Variants in PCDHA6 observed in about 807,000 individuals in gnomAD.
PCDHA6 encodes the protein protocadherin alpha 6.
A neutral mutation model predicts 60.3 loss-of-function variants in PCDHA6; 55 were observed. The observed-to-expected ratio is 0.91, with a 90% CI of 0.73 to 1.14. PCDHA6 has a LOEUF of 1.14. Among genes scored for constraint, PCDHA6 ranks in the 50% most tolerant of loss-of-function variants. The pLI is 0.00. For synonymous variants in PCDHA6, 652 were observed against 557.9 expected (o/e 1.17, Z -2.38); for missense variants, 1,327 against 1,256.5 (o/e 1.06, Z -0.85).
chr5:140,910,200 A>C (rs1471024317), intron 1 of PCDHA6, among the ~76,000 whole-genome samples: 1 of 152,200 alleles, frequency 6.6e-6, no homozygotes, highest in East Asian at 1.9e-4. Flanking sequence ...TCTTTTGTCC[A>C]CTTGACCTGG....
intron 2 of PCDHA6, among the ~76,000 whole-genome samples, chr5:140,981,379 G>A (rs1387904235): frequency 1.3e-5 from 2 of 152,152 alleles, no homozygotes; most frequent in Admixed American, 1.3e-4. Flanking sequence ...TTCAAGACCA[G>A]CCTGGTCAAT....
chr5:140,856,258 C>G, intron 1 of PCDHA6: 1 of 1,598,068 alleles, frequency 6.3e-7, no homozygotes, highest in South Asian at 1.1e-5. Context: ...CCAAAAGACA[C>G]GGGGACCTTC....
At chr5:140,996,842 T>C (rs2097749816) in intron 3 of PCDHA6, among the ~76,000 whole-genome samples, 1 of 152,240 alleles carries the variant, frequency 6.6e-6, no homozygotes, top group African/African-American at 2.4e-5. Context: ...TTAGCGTGCA[T>C]CTTCAGAATT....
chr5:140,856,428 A>T, intron 1 of PCDHA6: 1 of 1,598,400 alleles, frequency 6.3e-7, no homozygotes, highest in South Asian at 1.1e-5. Flanking sequence ...GACATTAACG[A>T]CAACCCGCCC....
intron 1 of PCDHA6, among the ~76,000 whole-genome samples, chr5:140,948,369 TG>T (rs1209104577): frequency 7.9e-5 from 12 of 151,580 alleles, no homozygotes; most frequent in Non-Finnish European, 3.0e-5. Context: ...ACTTAGGAGG[TG>T]TTCCTTCCTC....
At chr5:140,904,214 C>T (rs2070953663) in intron 1 of PCDHA6, among the ~76,000 whole-genome samples, 1 of 151,882 alleles carries the variant, frequency 6.6e-6, no homozygotes, top group South Asian at 2.1e-4. Flanking sequence ...TCCCCAAAGT[C>T]CATTGTATTA....
chr5:140,878,006 C>T (rs251378), intron 1 of PCDHA6: 602,670 of 913,772 alleles, frequency 0.66, 200,442 homozygotes, highest in African/African-American at 0.71. Flanking sequence ...ATTTGTCTAA[C>T]ATTAATGAAG....
At chr5:140,898,133 G>T (rs2153459320) in intron 1 of PCDHA6, among the ~76,000 whole-genome samples, 1 of 152,202 alleles carries the variant, frequency 6.6e-6, no homozygotes, top group African/African-American at 2.4e-5. Flanking sequence ...CTCCCATTTT[G>T]TAGGTTGCCT....
At chr5:140,834,741 G>A (rs1773242914) in intron 1 of PCDHA6, 7 of 1,614,122 alleles carry the variant, frequency 4.3e-6, no homozygotes. Context: ...TTTCCATGTG[G>A]ACGTGGAGGT....
chr5:140,870,785 C>T, intron 1 of PCDHA6: 1 of 1,613,662 alleles, frequency 6.2e-7, no homozygotes, highest in East Asian at 2.2e-5. Context: ...AACGACAACG[C>T]GCCGGCACTG....
At chr5:140,908,234 C>T (rs1262299431) in intron 1 of PCDHA6, among the ~76,000 whole-genome samples, 5 of 152,184 alleles carry the variant, frequency 3.3e-5, no homozygotes, top group Non-Finnish European at 7.3e-5. Context: ...CCTTAGTCTT[C>T]TCTTCCTCAT....
In PCDHA6 at chr5:140,828,229, C is replaced by T. The variant is rs2150152666; in HGVS notation, c.138C>T (p.Gly46=). Residue 46 remains glycine, a synonymous_variant, in exon 1 of 4, where the codon GGC becomes GGT. Coordinates refer to ENST00000529310, the MANE Select transcript of PCDHA6 (RefSeq NM_018909.4). ...AGGCCAAACACGGCACCTTCGTGGGCCGGATCGCGCAGGACCTGGGGCTGG... is the reference window on the plus strand; with the variant it reads ...AGGCCAAACACGGCACCTTCGTGGGTCGGATCGCGCAGGACCTGGGGCTGG... ...PEEAKHGTFV[G]RIAQDLGLEL... is the part of the protein sequence containing the mutation. 2 of 1,613,968 alleles carry T rather than the reference C, an allele frequency of 1.2e-6. No individual in the cohort carries two copies. The highest frequency in any genetic ancestry group is 1.7e-6 in the Non-Finnish European group (2 of 1,180,056).
Position 140,829,171 on chromosome 5 carries a change from T to A in PCDHA6, c.1080T>A (p.Arg360=), listed in dbSNP as rs1455829828. 14 of 1,614,036 alleles carry A rather than the reference T, an allele frequency of 8.7e-6. No individual in the cohort carries two copies. In the African/African-American group the frequency reaches 1.9e-4, roughly 22 times the overall value. ...IALTSLSLPV[R]EDAQFGTVIA... is the part of the protein sequence containing the mutation. ...TGACTTCCTTATCCTTGCCTGTACGTGAAGACGCTCAATTTGGTACTGTCA... is the reference window on the plus strand; with the variant it reads ...TGACTTCCTTATCCTTGCCTGTACGAGAAGACGCTCAATTTGGTACTGTCA... The change falls in exon 1 of 4, where the codon CGT becomes CGA. Residue 360 remains arginine (R), a synonymous_variant. Coordinates refer to ENST00000529310, the MANE Select transcript of PCDHA6 (RefSeq NM_018909.4).
chr5:140,887,670 C>A (rs368430565), intron 1 of PCDHA6, among the ~76,000 whole-genome samples: 2 of 151,988 alleles, frequency 1.3e-5, no homozygotes, highest in Non-Finnish European at 2.9e-5. Flanking sequence ...GTGGATTTAT[C>A]ATTTTCATCA....
chr5:140,867,681 A>T (rs759356211), intron 1 of PCDHA6: 1 of 152,096 alleles, frequency 6.6e-6, no homozygotes, highest in African/African-American at 2.4e-5. Context: ...ATTTTGTTGC[A>T]TCTTCTTTTT....
At chr5:140,966,246 G>A (rs184430396) in intron 1 of PCDHA6, 1 of 319,412 alleles carries the variant, frequency 3.1e-6, no homozygotes, top group East Asian at 5.0e-5. Flanking sequence ...TTAAGCAGGG[G>A]AGAGACGGTG....
At chr5:140,959,203 G>A (rs1554223942) in intron 1 of PCDHA6, among the ~76,000 whole-genome samples, 1 of 152,128 alleles carries the variant, frequency 6.6e-6, no homozygotes. Context: ...ATGGTGAAAT[G>A]CTGTCCTTAC....
At chr5:140,910,387 T>C (rs540534807) in intron 1 of PCDHA6, among the ~76,000 whole-genome samples, 1 of 152,158 alleles carries the variant, frequency 6.6e-6, no homozygotes, top group Admixed American at 6.6e-5. Context: ...CCTTTGACAG[T>C]TGACTGGCCC....
chr5:140,926,585 G>T, intron 1 of PCDHA6: 1 of 283,896 alleles, frequency 3.5e-6, no homozygotes, highest in Non-Finnish European at 6.5e-6. Flanking sequence ...CACCTCTCGC[G>T]CCCGGGCGGG....
Sources: allele counts gnomAD v4.1 joint callset (sites outside exome capture counted in the v4.1 genomes callset), GRCh38; gene constraint gnomAD v4.1.1; transcripts MANE v1.5; gene names NCBI Gene and HGNC (gene_info 2026-07-23, HGNC 2026-07-21).